CREB5: variants seen among roughly 807,000 people sequenced by gnomAD.
CREB5 encodes cyclic AMP-responsive element-binding protein 5.
Under a neutral mutation model 57.1 loss-of-function variants are expected in CREB5, and 19 were observed. The ratio of observed to expected loss-of-function variants is 0.33; its 90% confidence interval spans 0.23 to 0.49. CREB5 has a LOEUF of 0.49. Among genes scored for constraint, CREB5 ranks in the 20% least tolerant of loss-of-function variants. The probability of loss-of-function intolerance (pLI) is 0.99; values close to 1 mark genes in which losing one functional copy is unlikely to be tolerated. For synonymous variants in CREB5, 238 were observed against 238.3 expected, an observed-to-expected ratio of 1.00 and a Z score of 0.01; for missense variants, 579 against 671.6, an observed-to-expected ratio of 0.86 and a Z score of 1.52.
At chr7:28,766,044 A>AT (rs1395677202) in intron 7 of CREB5, among the ~76,000 whole-genome samples, 1 of 151,556 alleles carries the variant, frequency 6.6e-6, no homozygotes, top group Non-Finnish European at 1.5e-5. Flanking sequence ...TTGGAGCTAC[A>AT]TTTTTTCAGA....
intron 1 of CREB5, among the ~76,000 whole-genome samples, chr7:28,398,628 T>C (rs1324386303): frequency 2.0e-5 from 3 of 152,232 alleles, no homozygotes; most frequent in Non-Finnish European, 4.4e-5. Context: ...AAACTGTATA[T>C]TATGCCCAGA....
At chr7:28,342,498 A>G (rs1163072295) in intron 1 of CREB5, among the ~76,000 whole-genome samples, 1 of 152,252 alleles carries the variant, frequency 6.6e-6, no homozygotes, top group African/African-American at 2.4e-5. Flanking sequence ...AAACAACTCA[A>G]TTAACAAATG....
Position 28,621,707 on chromosome 7 carries a change from G to T in CREB5, c.464+51170G>T, listed in dbSNP as rs150898738. On this transcript the variant is annotated intron_variant, in intron 5 of 10. Coordinates refer to ENST00000357727, the MANE Select transcript of CREB5 (RefSeq NM_182898.4). ...GAGTAGCAGAATGTGTCTGTGGTGC[G>T]CTGTGAAGTCAACCTTCCGGACACA... Among the ~76,000 whole-genome samples the T allele has an allele frequency of 3.9e-5, 6 of 152,226 alleles. No homozygotes were observed. In the South Asian group the frequency reaches 8.3e-4, roughly 21 times the overall value.
intron 7 of CREB5, among the ~76,000 whole-genome samples, chr7:28,758,747 G>T (rs563836645): frequency 6.6e-6 from 1 of 152,302 alleles, no homozygotes; most frequent in Non-Finnish European, 1.5e-5. Context: ...TTATATGCTA[G>T]CCAAAAAGAA....
chr7:28,743,538 TAAAAA>T (rs1181481717), intron 7 of CREB5, among the ~76,000 whole-genome samples: 1 of 152,030 alleles, frequency 6.6e-6, no homozygotes, highest in African/African-American at 2.4e-5. Flanking sequence ...TTTCAAAAAA[TAAAAA>T]AGAAAGAAAA....
intron 7 of CREB5, among the ~76,000 whole-genome samples, chr7:28,803,724 C>T (rs1023262328): frequency 1.4e-5 from 2 of 145,722 alleles, no homozygotes; most frequent in South Asian, 4.3e-4. Context: ...CCACTGCACT[C>T]CAGCCTGAGT....
intron 5 of CREB5, among the ~76,000 whole-genome samples, chr7:28,592,695 C>T (rs1028320982): frequency 2.6e-5 from 4 of 152,100 alleles, no homozygotes; most frequent in Admixed American, 2.0e-4. Context: ...TGTTCAAGTG[C>T]CGTGGCCTGT....
chr7:28,628,580 T>TA (rs1283892765), intron 5 of CREB5, among the ~76,000 whole-genome samples: 2 of 152,088 alleles, frequency 1.3e-5, no homozygotes, highest in African/African-American at 4.8e-5. Flanking sequence ...GAAGAAAGTG[T>TA]AAATTTCAAG....
intron 4 of CREB5, among the ~76,000 whole-genome samples, chr7:28,509,053 C>T (rs948717201): frequency 2.0e-4 from 31 of 152,210 alleles, no homozygotes; most frequent in South Asian, 2.1e-4. Flanking sequence ...AGTCAACTTC[C>T]TTTGGTTGAG....
chr7:28,724,552 T>TG, intron 7 of CREB5: 1 of 512,098 alleles, frequency 2.0e-6, no homozygotes, highest in Non-Finnish European at 3.5e-6. Flanking sequence ...GTGGTATTAA[T>TG]GAAAGGAACA....
At chr7:28,763,250 C>A (rs1262580377) in intron 7 of CREB5, among the ~76,000 whole-genome samples, 11 of 152,118 alleles carry the variant, frequency 7.2e-5, no homozygotes, top group Admixed American at 7.2e-4. Flanking sequence ...GCCTCTGCAT[C>A]CTTAGTAGCT....
intron 7 of CREB5, among the ~76,000 whole-genome samples, chr7:28,738,150 G>A (rs1440451526): frequency 6.6e-6 from 1 of 152,082 alleles, no homozygotes; most frequent in Non-Finnish European, 1.5e-5. Context: ...TTTTTACTAT[G>A]TCTGTGCAAA....
chr7:28,652,449 G>A (rs1799171328), intron 5 of CREB5, among the ~76,000 whole-genome samples: 1 of 152,216 alleles, frequency 6.6e-6, no homozygotes, highest in Non-Finnish European at 1.5e-5. Context: ...AGCCAGCATA[G>A]ATGAAAGAAT....
intron 1 of CREB5, among the ~76,000 whole-genome samples, chr7:28,358,800 G>A (rs1001112670): frequency 2.0e-5 from 3 of 152,196 alleles, no homozygotes; most frequent in Non-Finnish European, 4.4e-5. Flanking sequence ...CAATGCCTCA[G>A]CATGTTAGAG....
rs908122326 is a variant in CREB5 at position 28,377,380 on chromosome 7, AAATAT to A, written c.-25+77946_-25+77950del. ...GATAATATTTTTGATATATTGGGTT[AAATAT>A]AATATATTATTAAAATTAATTTCAT... On this transcript the variant is annotated intron_variant, in intron 1 of 9. Transcript: ENST00000396299. Among the ~76,000 whole-genome samples, 316 of 152,196 alleles carry A rather than the reference AAATAT, an allele frequency of 2.1e-3. 1 individual carries two copies. The highest frequency in any genetic ancestry group is 7.0e-3 in the African/African-American group (290 of 41,558).
At chr7:28,602,861 G>A (rs1479122101) in intron 5 of CREB5, among the ~76,000 whole-genome samples, 1 of 152,182 alleles carries the variant, frequency 6.6e-6, no homozygotes, top group Non-Finnish European at 1.5e-5. Context: ...AAAACTGCAT[G>A]TAAAATCGGT....
At chr7:28,623,534 C>T (rs1238450500) in intron 5 of CREB5, among the ~76,000 whole-genome samples, 2 of 152,140 alleles carry the variant, frequency 1.3e-5, no homozygotes, top group Admixed American at 1.3e-4. Flanking sequence ...CTTGATCTGA[C>T]TCACTGTATG....
rs534975986 is a variant in CREB5 at position 28,467,442 on chromosome 7, T to C, written c.4-20733T>C. Among the ~76,000 whole-genome samples, 4 of 152,318 alleles carry C rather than the reference T, an allele frequency of 2.6e-5. No homozygotes were observed. In the South Asian group the frequency reaches 8.3e-4, roughly 32 times the overall value. Reference sequence around the variant, plus strand: ...GCAGAGAAAGAAAAAGATGTAATACTTCACAGGTTTCATTCCAATAAGTCC... The same window carrying C: ...GCAGAGAAAGAAAAAGATGTAATACCTCACAGGTTTCATTCCAATAAGTCC... On this transcript the variant is annotated intron_variant, in intron 1 of 10. Coordinates refer to ENST00000357727, the MANE Select transcript of CREB5 (RefSeq NM_182898.4).
chr7:28,486,836 G>A (rs965834475), intron 1 of CREB5, among the ~76,000 whole-genome samples: 1 of 151,072 alleles, frequency 6.6e-6, no homozygotes, highest in Admixed American at 6.6e-5. Context: ...AGGGTGTGGT[G>A]GCTCATGCTT....
Sources: allele counts gnomAD v4.1 joint callset (sites outside exome capture counted in the v4.1 genomes callset), GRCh38; gene constraint gnomAD v4.1.1; transcripts MANE v1.5; gene names NCBI Gene and HGNC (gene_info 2026-07-23, HGNC 2026-07-21).